KCNQ5: variants seen among roughly 807,000 people sequenced by gnomAD.
KCNQ5 encodes potassium voltage-gated channel subfamily KQT member 5.
KCNQ5 carries 30 observed loss-of-function variants against 98.2 expected under a neutral mutation model. The ratio of observed to expected loss-of-function variants is 0.31; its 90% CI spans 0.23 to 0.41. The LOEUF (loss-of-function observed/expected upper bound fraction) is 0.41, where lower values mean the gene tolerates loss of function less well. Ranked by LOEUF, KCNQ5 falls within the 10% of genes least tolerant of loss-of-function variation. KCNQ5 has a pLI of 1.00. For missense variants in KCNQ5, 835 were observed against 1,182.5 expected (o/e 0.71, Z 4.31); for synonymous variants, 458 against 449.4 (o/e 1.02, Z -0.24).
At chr6:72,958,027 T>C (rs1767170225) in intron 1 of KCNQ5, among the ~76,000 whole-genome samples, 3 of 152,318 alleles carry the variant, frequency 2.0e-5, no homozygotes, top group African/African-American at 7.2e-5. Context: ...TGAACTGATG[T>C]GTCCCTGGAG....
intron 7 of KCNQ5, among the ~76,000 whole-genome samples, chr6:73,114,052 CA>C (rs1469682973): frequency 6.6e-6 from 1 of 152,130 alleles, no homozygotes; most frequent in African/African-American, 2.4e-5. Flanking sequence ...ATTTTAAAAG[CA>C]AGTGCTCCTT....
chr6:73,103,323 G>A (rs9343007), intron 5 of KCNQ5, among the ~76,000 whole-genome samples: 145,715 of 152,264 alleles, frequency 0.96, 69,719 homozygotes, highest in South Asian at 0.98. Context: ...GGATGAGTTC[G>A]TGTCCTTTGT....
In KCNQ5 at chr6:72,878,132, T is replaced by C. The variant is rs369893656; in HGVS notation, c.399-125776T>C. Among the ~76,000 whole-genome samples the C allele has an allele frequency of 2.6e-5, 4 of 152,222 alleles. No homozygotes were observed. In the East Asian group the frequency reaches 7.8e-4, roughly 30 times the overall value. ...CTAAATACAAAAAATTAGCGGGGCA[T>C]GGTGGCATATGCCTGTAATCCCAGC... is the stretch of plus-strand genomic sequence containing the variant. On this transcript the variant is annotated intron_variant, in intron 1 of 13. Coordinates refer to ENST00000370398, the MANE Select transcript of KCNQ5 (RefSeq NM_019842.4).
At chr6:72,820,484 CT>C (rs529567477) in intron 1 of KCNQ5, among the ~76,000 whole-genome samples, 3,236 of 145,282 alleles carry the variant, frequency 0.022, 53 homozygotes, top group African/African-American at 0.043. Context: ...TTCTTTCTTT[CT>C]TTTTTTTTTT....
chr6:73,091,888 G>A (rs1166916884), intron 5 of KCNQ5, among the ~76,000 whole-genome samples: 1 of 152,016 alleles, frequency 6.6e-6, no homozygotes, highest in Admixed American at 6.6e-5. Context: ...TATTTTGATG[G>A]AAATTGCATT....
At chr6:73,029,061 G>A (rs1771016816) in intron 2 of KCNQ5, among the ~76,000 whole-genome samples, 1 of 152,192 alleles carries the variant, frequency 6.6e-6, no homozygotes, top group South Asian at 2.1e-4. Flanking sequence ...TGTGCATAAT[G>A]GGTGGCAAGC....
At chr6:73,046,754 T>C (rs1771983198) in intron 3 of KCNQ5, among the ~76,000 whole-genome samples, 1 of 151,974 alleles carries the variant, frequency 6.6e-6, no homozygotes, top group Non-Finnish European at 1.5e-5. Flanking sequence ...GCCATTCTCA[T>C]GCCTCAGCCT....
intron 1 of KCNQ5, among the ~76,000 whole-genome samples, chr6:72,667,474 A>G (rs1006932734): frequency 6.6e-6 from 1 of 151,630 alleles, no homozygotes; most frequent in Admixed American, 6.6e-5. Flanking sequence ...ATATTATAGA[A>G]ATAGTTATTG....
rs2098916113 is a variant in KCNQ5, at chr6:72,622,861, G to T, written c.398+274G>T. On this transcript the variant is annotated intron_variant, in intron 1 of 13. Transcript: ENST00000370398. This position sits in a 1 kb window ranked among gnomAD's most constrained non-coding sequence, Gnocchi z 6.0. ...CGGGGCGAGAGCCAGGCAGACGCGGGACTTAGGCTGCGCGGATAATTGGGA... is the reference window on the plus strand; with the variant it reads ...CGGGGCGAGAGCCAGGCAGACGCGGTACTTAGGCTGCGCGGATAATTGGGA... 6.6e-6 allele frequency among the ~76,000 whole-genome samples: 1 copy of T among 152,182 alleles called. No individual in the cohort carries two copies. Among genetic ancestry groups the T allele is most frequent in the African/African-American group, 2.4e-5 (1 of 41,438 alleles).
chr6:72,706,956 T>A (rs1209676167), intron 1 of KCNQ5, among the ~76,000 whole-genome samples: 1 of 152,182 alleles, frequency 6.6e-6, no homozygotes, highest in African/African-American at 2.4e-5. Context: ...TCTACCAGTA[T>A]TATACTTTTA....
intron 3 of KCNQ5, among the ~76,000 whole-genome samples, chr6:73,064,078 C>T (rs1190172961): frequency 6.6e-6 from 1 of 152,126 alleles, no homozygotes; most frequent in Non-Finnish European, 1.5e-5. Context: ...ATGTCCTTTG[C>T]TAAGTGACGT....
At chr6:73,078,611 T>C (rs1773633847) in intron 5 of KCNQ5, among the ~76,000 whole-genome samples, 1 of 152,176 alleles carries the variant, frequency 6.6e-6, no homozygotes, top group African/African-American at 2.4e-5. Flanking sequence ...TTGAAATCAA[T>C]GTGCAAATAG....
At chr6:72,976,387 G>A (rs1202524534) in intron 1 of KCNQ5, among the ~76,000 whole-genome samples, 1 of 152,116 alleles carries the variant, frequency 6.6e-6, no homozygotes, top group Non-Finnish European at 1.5e-5. Context: ...TCCAAACAAA[G>A]CATGGAAAAT....
At chr6:72,986,630 C>T (rs557362441) in intron 1 of KCNQ5, 22 of 704,282 alleles carry the variant, frequency 3.1e-5, no homozygotes, top group South Asian at 7.0e-5. Flanking sequence ...GCGTGCCAGA[C>T]GGTCAGAGAA....
intron 1 of KCNQ5, among the ~76,000 whole-genome samples, chr6:72,837,645 A>C (rs1252561381): frequency 6.6e-6 from 1 of 152,220 alleles, no homozygotes; most frequent in Non-Finnish European, 1.5e-5. Flanking sequence ...TCTCAGTAAT[A>C]CTGGGTTTCC....
chr6:72,658,579 T>TCTATA (rs34408725), intron 1 of KCNQ5, among the ~76,000 whole-genome samples: 1 of 69,658 alleles, frequency 1.4e-5, no homozygotes, highest in African/African-American at 6.7e-5. Flanking sequence ...TATATATATA[T>TCTATA]TTTTTTTTTT....
chr6:72,849,149 C>A (rs549668510), intron 1 of KCNQ5, among the ~76,000 whole-genome samples: 1 of 151,884 alleles, frequency 6.6e-6, no homozygotes, highest in Non-Finnish European at 1.5e-5. Context: ...CACACATATG[C>A]ACACGCACAT....
At chr6:72,967,254 G>A (rs1767662832) in intron 1 of KCNQ5, among the ~76,000 whole-genome samples, 2 of 152,020 alleles carry the variant, frequency 1.3e-5, no homozygotes, top group African/African-American at 4.8e-5. Flanking sequence ...ATTTTAGTCA[G>A]CAAATTTTTC....
intron 1 of KCNQ5, among the ~76,000 whole-genome samples, chr6:72,679,466 C>T (rs981933950): frequency 6.6e-6 from 1 of 150,464 alleles, no homozygotes; most frequent in Non-Finnish European, 1.5e-5. Flanking sequence ...AGTAAAGTAT[C>T]GCAAGAACAA....
Sources: gnomAD v4.1 joint callset for allele counts (sites outside exome capture counted in the v4.1 genomes callset) on GRCh38, gnomAD v4.1.1 for gene constraint, Gnocchi (gnomAD v3.1) non-coding constraint, MANE v1.5 for transcripts, NCBI Gene and HGNC (gene_info 2026-07-23, HGNC 2026-07-21) for gene names.